The following ZNF711 variants were observed in gnomAD, a reference collection of about 807,000 sequenced individuals.
ZNF711 encodes the protein zinc finger protein 711.
Under a neutral mutation model 43.5 loss-of-function variants are expected in ZNF711, and 3 were observed. The ratio of observed to expected loss-of-function variants is 0.07; its 90% confidence interval spans 0.03 to 0.18. The LOEUF (loss-of-function observed/expected upper bound fraction) is 0.18, where lower values mean the gene tolerates loss of function less well. ZNF711 is among the 10% of genes least tolerant of loss of function. The pLI, the probability that ZNF711 is intolerant of heterozygous loss-of-function variation, is 1.00. For synonymous variants in ZNF711, 209 were observed against 207.7 expected, an observed-to-expected ratio of 1.01 and a Z score of -0.06; for missense variants, 412 against 604.0, an observed-to-expected ratio of 0.68 and a Z score of 3.33.
At chrX:85,262,233 A>G (rs779894394) in intron 5 of ZNF711, among the ~76,000 whole-genome samples, 1 of 111,008 alleles carries the variant, frequency 9.0e-6, no homozygotes, top group Admixed American at 9.6e-5. Flanking sequence ...AAATTATGGT[A>G]CAAAACTATT....
chrX:85,257,161 A>G (rs1002427156), intron 5 of ZNF711, among the ~76,000 whole-genome samples: 1 of 112,036 alleles, frequency 8.9e-6, no homozygotes, highest in African/African-American at 3.2e-5. Flanking sequence ...ACTACCTCAT[A>G]TATCAAATAC....
At chrX:85,248,579 A>G (rs1929262073) in intron 4 of ZNF711, among the ~76,000 whole-genome samples, 1 of 110,314 alleles carries the variant, frequency 9.1e-6, no homozygotes, top group African/African-American at 3.3e-5. Context: ...CTCCATTGAC[A>G]TTCAACAAAT....
chrX:85,255,208 CTAAAT>C (rs761031288), intron 4 of ZNF711, 46 bp from the exon 5 acceptor site: 3 of 1,099,631 alleles, frequency 2.7e-6, no homozygotes, highest in African/African-American at 1.8e-5. Context: ...ATACAGTACT[CTAAAT>C]TAATAAAATA....
At chrX:85,251,761 G>T (rs73234659) in intron 4 of ZNF711, among the ~76,000 whole-genome samples, 10,965 of 109,882 alleles carry the variant, frequency 0.1, 537 homozygotes, top group South Asian at 0.17. Flanking sequence ...TGTTCCTCTA[G>T]CTGTGCCTCA....
intron 7 of ZNF711, among the ~76,000 whole-genome samples, chrX:85,266,666 T>G (rs1409672578): frequency 1.8e-5 from 2 of 110,049 alleles, no homozygotes; most frequent in Non-Finnish European, 3.8e-5. Context: ...TTAAATATTT[T>G]TTTTTTCTTA....
At chrX:85,248,584 A>G (rs963816839) in intron 4 of ZNF711, among the ~76,000 whole-genome samples, 2 of 110,665 alleles carry the variant, frequency 1.8e-5, no homozygotes, top group African/African-American at 6.6e-5. Flanking sequence ...TTGACATTCA[A>G]CAAATAAACT....
intron 9 of ZNF711, among the ~76,000 whole-genome samples, chrX:85,269,404 GTCT>G (rs1230392134): frequency 9.8e-6 from 1 of 101,685 alleles, no homozygotes; most frequent in East Asian, 3.1e-4. Flanking sequence ...AAGAGACAGG[GTCT>G]TCTTGCTCTG....
Position 85,273,280 on chromosome X carries a change from A to G in ZNF711, c.*1452A>G, listed in dbSNP as rs1287299875. 1 of 112,005 alleles carries G rather than the reference A, an allele frequency of 8.9e-6. No homozygotes were observed. The highest frequency in any genetic ancestry group is 1.9e-5 in the Non-Finnish European group (1 of 53,052). The allele number at this position is 112,005 out of a possible 1,213,427, so 9.2% of individuals were successfully genotyped here. On this transcript the variant is annotated 3_prime_UTR_variant, in exon 11 of 11. Coordinates refer to ENST00000674551, the MANE Select transcript of ZNF711 (RefSeq NM_001330574.2). ...AATGATGTACACGCTGTAAAATAAG[A>G]TCGCTACTGTTATGTGGGATTATTA...
At chrX:85,258,951 G>A (rs774813484) in intron 5 of ZNF711, among the ~76,000 whole-genome samples, 1 of 111,114 alleles carries the variant, frequency 9.0e-6, no homozygotes, top group South Asian at 3.7e-4. Context: ...GTTGCAATTG[G>A]TTTTGGGGAC....
chrX:85,268,412 A>G (rs1931290132), intron 9 of ZNF711, 71 bp downstream of exon 9: 2 of 1,121,878 alleles, frequency 1.8e-6, no homozygotes, highest in Admixed American at 4.7e-5. Flanking sequence ...TTGGTAAGTA[A>G]CAAGTTTGTG....
At chrX:85,253,784 CACACACACACACACACAG>C (rs1569260650) in intron 4 of ZNF711, among the ~76,000 whole-genome samples, 1 of 110,472 alleles carries the variant, frequency 9.1e-6, no homozygotes, top group African/African-American at 3.3e-5. Context: ...CACACACACA[CACACACACACACACACAG>C]ACACCCTTGG....
intron 4 of ZNF711, among the ~76,000 whole-genome samples, chrX:85,253,764 GACACACACACACACACACACACAC>G (rs756155292): frequency 1.1e-5 from 1 of 90,528 alleles, no homozygotes; most frequent in African/African-American, 3.9e-5. Flanking sequence ...TGTGTTCACA[GACACACACACACACACACACACAC>G]ACACACACAC....
At position 85,255,567 on chromosome X, in the gene ZNF711, G is replaced by A. The variant is rs1268182044; in HGVS notation, c.388G>A (p.Val130Met). The A allele has an allele frequency of 8.3e-7, 1 of 1,210,018 alleles. No individual in the cohort carries two copies. The highest frequency in any genetic ancestry group is 1.7e-5 in the African/African-American group (1 of 57,144). The change falls in exon 5 of 11, where the codon GTG (valine) becomes ATG (methionine). Residue 130 changes from valine to methionine, a missense_variant. Around this residue, in one of 4 missense-constraint regions of ZNF711, gnomAD observed 375 missense variants for 514.2 expected, o/e 0.73. Transcript: ENST00000674551. ...CGTTAGGGTACCAGAGCAGGTTTTC[G>A]TGGCTGACCTTGTTACTGGTCCTAA... ...ETVRVPEQVF[V>M]ADLVTGPNGH... is the part of the protein sequence containing the mutation.
chrX:85,250,579 G>T (rs1256396312), intron 4 of ZNF711, among the ~76,000 whole-genome samples: 3 of 111,361 alleles, frequency 2.7e-5, no homozygotes, highest in Admixed American at 9.5e-5. Flanking sequence ...TGAGTTAGTG[G>T]TTTTTTCAAA....
chrX:85,254,721 G>C (rs1425959846), intron 4 of ZNF711, among the ~76,000 whole-genome samples: 1 of 96,704 alleles, frequency 1.0e-5, no homozygotes, highest in Non-Finnish European at 2.0e-5. Context: ...AGAATGGCGT[G>C]AACCCGGGAG....
chrX:85,270,120 G>A lies in ZNF711; in HGVS notation c.1220G>A (p.Arg407Lys), dbSNP rs1931448977. ...VLKQKAKKRRRGETRQWQTAV... is the reference protein window; with the variant it reads ...VLKQKAKKRRKGETRQWQTAV... Reference sequence around the variant, plus strand: ...AAACAAAAAGCCAAAAAGAGGAGAAGGGGAGAAACCAGGCAGTGGCAAACA... The same window carrying A: ...AAACAAAAAGCCAAAAAGAGGAGAAAGGGAGAAACCAGGCAGTGGCAAACA... The change falls in exon 10 of 11, where the codon AGG (arginine) becomes AAG (lysine). Residue 407 changes from arginine to lysine, a missense_variant. Around this residue, in one of 4 missense-constraint regions of ZNF711, gnomAD observed 375 missense variants for 514.2 expected, o/e 0.73. Coordinates refer to ENST00000674551, the MANE Select transcript of ZNF711 (RefSeq NM_001330574.2). The A allele has an allele frequency of 8.3e-7, 1 of 1,209,595 alleles. No homozygotes were observed. The highest frequency in any genetic ancestry group is 1.1e-6 in the Non-Finnish European group (1 of 894,441).
At chrX:85,259,445 A>G (rs1381009750) in intron 5 of ZNF711, among the ~76,000 whole-genome samples, 1 of 111,360 alleles carries the variant, frequency 9.0e-6, no homozygotes, top group Admixed American at 9.6e-5. Context: ...TGACGTTAGT[A>G]GTTTGATAGG....
At position 85,270,999 on chromosome X, in the gene ZNF711, C is replaced by T. The variant is rs1931526599; in HGVS notation, c.1595C>T (p.Ala532Val). Residue 532 changes from alanine to valine, a missense_variant, in exon 11 of 11, where the codon GCA (alanine) becomes GTA (valine). Ala to Val is a moderately conservative substitution (Grantham distance 64). This residue lies in a region of ZNF711 where 375 missense variants were observed against 514.2 expected (regional missense o/e 0.73). Coordinates refer to ENST00000674551, the MANE Select transcript of ZNF711 (RefSeq NM_001330574.2). ...TGCAAATACTGTGACTATGAAACTG[C>T]AGAACAAGGACTGTTAAACAGGCAT... is the stretch of plus-strand genomic sequence containing the variant. ...HKCKYCDYET[A>V]EQGLLNRHLL... is the part of the protein sequence containing the mutation. 8.3e-7 allele frequency: 1 copy of T among 1,210,905 alleles called. No individual in the cohort carries two copies. Among genetic ancestry groups the T allele is most frequent in the Admixed American group, 2.2e-5 (1 of 45,873 alleles).
At chrX:85,267,139 T>TA (rs2147862497) in intron 7 of ZNF711, 139 bp from the exon 8 acceptor site, 1 of 510,899 alleles carries the variant, frequency 2.0e-6, no homozygotes, top group East Asian at 4.7e-5. Flanking sequence ...AAGTGCCTAA[T>TA]ATAAATTGAA....
Sources: gnomAD v4.1 joint callset for allele counts (sites outside exome capture counted in the v4.1 genomes callset) on GRCh38, gnomAD v4.1.1 for gene constraint, gnomAD v4.1.1 regional missense constraint, MANE v1.5 for transcripts, NCBI Gene and HGNC (gene_info 2026-07-23, HGNC 2026-07-21) for gene names.